GALNT17: variants seen among roughly 807,000 people sequenced by gnomAD.
The protein encoded by GALNT17 is polypeptide N-acetylgalactosaminyltransferase 17.
A neutral mutation model predicts 63.7 loss-of-function variants in GALNT17; 29 were observed. The ratio of observed to expected loss-of-function variants is 0.46; its 90% CI spans 0.34 to 0.62. The LOEUF (loss-of-function observed/expected upper bound fraction) is 0.62, where lower values mean the gene tolerates loss of function less well. Among genes scored for constraint, GALNT17 ranks in the 20% least tolerant of loss-of-function variants. The pLI is 0.01. For missense variants in GALNT17, 603 were observed against 799.6 expected, an observed-to-expected ratio of 0.75 and a Z score of 2.97; for synonymous variants, 305 against 318.3, an observed-to-expected ratio of 0.96 and a Z score of 0.45.
chr7:71,267,793 C>A (rs1317061161), intron 1 of GALNT17, among the ~76,000 whole-genome samples: 1 of 152,128 alleles, frequency 6.6e-6, no homozygotes, highest in Non-Finnish European at 1.5e-5. Flanking sequence ...GTGAACCCAT[C>A]ACCTAGGTAT....
At chr7:71,446,584 A>C (rs1787163743) in intron 5 of GALNT17, among the ~76,000 whole-genome samples, 1 of 152,152 alleles carries the variant, frequency 6.6e-6, no homozygotes. Flanking sequence ...GTTTTGCTCT[A>C]GTCGCCCAGG....
At chr7:71,596,237 A>T (rs1317014634) in intron 6 of GALNT17, among the ~76,000 whole-genome samples, 1 of 152,060 alleles carries the variant, frequency 6.6e-6, no homozygotes, top group Admixed American at 6.5e-5. Context: ...ACGGGGTTTC[A>T]CCATGTTGGC....
chr7:71,563,354 C>T (rs1348794025), intron 5 of GALNT17, among the ~76,000 whole-genome samples: 3 of 152,274 alleles, frequency 2.0e-5, no homozygotes, highest in Admixed American at 6.5e-5. Context: ...AAGCAGCAGC[C>T]GTGCTTTGCT....
chr7:71,150,977 CAAA>C (rs34934868), intron 1 of GALNT17, among the ~76,000 whole-genome samples: 41 of 102,996 alleles, frequency 4.0e-4, no homozygotes, highest in Admixed American at 4.4e-4. Flanking sequence ...ACCCTGACTT[CAAA>C]AAAAAAAAAA....
chr7:71,571,824 G>A (rs1789446697), intron 6 of GALNT17, among the ~76,000 whole-genome samples: 1 of 152,146 alleles, frequency 6.6e-6, no homozygotes, highest in Non-Finnish European at 1.5e-5. Flanking sequence ...GACAAGCCTG[G>A]GCAACAGAGC....
intron 1 of GALNT17, among the ~76,000 whole-genome samples, chr7:71,180,121 AT>A (rs974089615): frequency 8.6e-5 from 13 of 151,396 alleles, no homozygotes; most frequent in Admixed American, 5.9e-4. Flanking sequence ...AACAATGAGT[AT>A]TTTTTTTCTT....
At chr7:71,302,530 C>T (rs1791218991) in intron 1 of GALNT17, among the ~76,000 whole-genome samples, 1 of 151,650 alleles carries the variant, frequency 6.6e-6, no homozygotes, top group African/African-American at 2.4e-5. Context: ...TGTGCAGGGC[C>T]ATGTGCACAC....
At chr7:71,626,300 AG>A (rs1186647007) in intron 6 of GALNT17, among the ~76,000 whole-genome samples, 1 of 151,988 alleles carries the variant, frequency 6.6e-6, no homozygotes, top group Non-Finnish European at 1.5e-5. Flanking sequence ...GTGAAGACAA[AG>A]GGAAAAATGG....
intron 4 of GALNT17, 47 bp downstream of exon 4, chr7:71,416,110 G>C (rs1208983634): frequency 1.3e-6 from 2 of 1,554,322 alleles, no homozygotes; most frequent in Non-Finnish European, 1.7e-6. Context: ...CTGCATTGTG[G>C]TTGAGAGGGG....
At chr7:71,266,754 A>G (rs2115667584) in intron 1 of GALNT17, among the ~76,000 whole-genome samples, 1 of 152,288 alleles carries the variant, frequency 6.6e-6, no homozygotes, top group African/African-American at 2.4e-5. Flanking sequence ...AGGGGAGAGA[A>G]GTGCAACCTG....
intron 1 of GALNT17, among the ~76,000 whole-genome samples, chr7:71,221,862 T>C (rs1053329362): frequency 1.3e-5 from 2 of 152,022 alleles, no homozygotes; most frequent in Non-Finnish European, 2.9e-5. Flanking sequence ...AGCTCATAAA[T>C]TAGCATTAGT....
intron 5 of GALNT17, among the ~76,000 whole-genome samples, chr7:71,471,605 T>C (rs1787633982): frequency 6.6e-6 from 1 of 152,086 alleles, no homozygotes; most frequent in Non-Finnish European, 1.5e-5. Context: ...CCCCTCCTCC[T>C]CCTTGTCCTA....
At chr7:71,320,526 C>G (rs1791587329) in intron 1 of GALNT17, among the ~76,000 whole-genome samples, 1 of 152,132 alleles carries the variant, frequency 6.6e-6, no homozygotes, top group African/African-American at 2.4e-5. Context: ...ACTGGGATTA[C>G]AGATGTGAGC....
At chr7:71,302,335 G>A (rs544757859) in intron 1 of GALNT17, among the ~76,000 whole-genome samples, 27 of 152,254 alleles carry the variant, frequency 1.8e-4, no homozygotes, top group Non-Finnish European at 3.2e-4. Flanking sequence ...CATCCTGTGC[G>A]TGTATCCCAG....
At chr7:71,160,460 T>A in intron 1 of GALNT17, among the ~76,000 whole-genome samples, 1 of 152,294 alleles carries the variant, frequency 6.6e-6, no homozygotes, top group South Asian at 2.1e-4. Flanking sequence ...AATGGTGTGA[T>A]GAACATTTTT....
Position 71,177,955 on chromosome 7 carries a change from C to T in GALNT17, c.238+44915C>T, listed in dbSNP as rs1346942505. On this transcript the variant is annotated intron_variant, in intron 1 of 10. Coordinates refer to ENST00000333538, the MANE Select transcript of GALNT17 (RefSeq NM_022479.3). ...AACCTTCTAAATGTGTATATTTTTC[C>T]TGTGGCCCTGTCTTTAATTCAGAGA... Among the ~76,000 whole-genome samples the T allele has an allele frequency of 2.0e-5, 3 of 152,158 alleles. No homozygotes were observed. In the East Asian group the frequency reaches 5.8e-4, roughly 29 times the overall value.
At position 71,132,519 on chromosome 7, in the gene GALNT17, TC is replaced by T; in HGVS notation, c.-283del. ...GAGAAACCCTCAAATCCCTGGCCTT[TC>T]GCGGAGACGCCTGGACGGGGCCGTG... is the stretch of plus-strand genomic sequence containing the variant. On this transcript the variant is annotated 5_prime_UTR_variant, in exon 1 of 11. Transcript: ENST00000333538. 1 of 403,428 alleles carries T rather than the reference TC, an allele frequency of 2.5e-6. No individual in the cohort carries two copies. The highest frequency in any genetic ancestry group is 4.4e-6 in the Non-Finnish European group (1 of 226,054). The allele number at this position is 403,428 out of a possible 1,614,324, so 25.0% of individuals were successfully genotyped here. A position where few individuals can be genotyped will look rare whatever the true frequency, so the allele number is the denominator to read the frequency against.
At chr7:71,514,142 C>T (rs1055277619) in intron 5 of GALNT17, among the ~76,000 whole-genome samples, 5 of 152,174 alleles carry the variant, frequency 3.3e-5, no homozygotes, top group African/African-American at 1.2e-4. Context: ...ATGCAGTGAG[C>T]TATGATCATG....
chr7:71,631,771 G>A (rs974689267), intron 6 of GALNT17, among the ~76,000 whole-genome samples: 2 of 152,142 alleles, frequency 1.3e-5, no homozygotes, highest in African/African-American at 4.8e-5. Context: ...GAGCTGAGGT[G>A]CAATATTGGG....
Sources: gnomAD v4.1 joint callset for allele counts (sites outside exome capture counted in the v4.1 genomes callset) on GRCh38, gnomAD v4.1.1 for gene constraint, MANE v1.5 for transcripts, NCBI Gene and HGNC (gene_info 2026-07-23, HGNC 2026-07-21) for gene names.